Variants in FAM149A observed in about 807,000 individuals in gnomAD.
The protein encoded by FAM149A is family with sequence similarity 149 member A, also known as protein FAM149A.
A neutral mutation model predicts 78.2 loss-of-function variants in FAM149A; 71 were observed. The ratio of observed to expected loss-of-function variants is 0.91; its 90% CI spans 0.75 to 1.11. The LOEUF (loss-of-function observed/expected upper bound fraction) is 1.11. Among genes scored for constraint, FAM149A ranks in the 50% least tolerant of loss-of-function variants. The pLI is 0.00. For missense variants in FAM149A, 1,036 were observed against 971.0 expected (o/e 1.07, Z -0.89); for synonymous variants, 446 against 410.5 (o/e 1.09, Z -1.04).
chr4:186,134,250 T>C (rs1282482761), intron 1 of FAM149A, among the ~76,000 whole-genome samples: 1 of 152,228 alleles, frequency 6.6e-6, no homozygotes, highest in African/African-American at 2.4e-5. Flanking sequence ...CTGTTGAAGA[T>C]AGACACATCC....
intron 1 of FAM149A, among the ~76,000 whole-genome samples, chr4:186,148,488 G>T (rs1160483428): frequency 2.0e-5 from 3 of 152,152 alleles, no homozygotes; most frequent in African/African-American, 7.2e-5. Flanking sequence ...AAGATATTTT[G>T]ACTAGAGGAA....
intron 1 of FAM149A, chr4:186,107,328 A>G (rs1424568258): frequency 6.6e-6 from 1 of 152,258 alleles, no homozygotes; most frequent in Non-Finnish European, 1.5e-5. Context: ...TACTTTTTGA[A>G]TAACACTGCA....
chr4:186,130,597 G>A (rs918630677), intron 1 of FAM149A, among the ~76,000 whole-genome samples: 4 of 151,212 alleles, frequency 2.6e-5, no homozygotes, highest in African/African-American at 4.9e-5. Flanking sequence ...GGACTCAAGC[G>A]ATCCACCCAC....
At chr4:186,125,621 T>C in intron 1 of FAM149A, 1 of 797,772 alleles carries the variant, frequency 1.3e-6, no homozygotes, top group Non-Finnish European at 1.5e-6. Context: ...CACAGGCTTG[T>C]TGTCAGGTTT....
intron 1 of FAM149A, among the ~76,000 whole-genome samples, chr4:186,142,643 G>A (rs2099326317): frequency 6.6e-6 from 1 of 152,142 alleles, no homozygotes; most frequent in South Asian, 2.1e-4. Context: ...AAATTCCAAC[G>A]ACTTCACTGG....
At chr4:186,156,318 T>G in intron 7 of FAM149A, 128 bp downstream of exon 7, 2 of 668,900 alleles carry the variant, frequency 3.0e-6, no homozygotes, top group Non-Finnish European at 5.1e-6. Context: ...GTTCTGACTT[T>G]ACTCATGAGT....
intron 7 of FAM149A, among the ~76,000 whole-genome samples, chr4:186,156,962 CA>C (rs1241762556): frequency 6.6e-6 from 1 of 152,084 alleles, no homozygotes; most frequent in African/African-American, 2.4e-5. Flanking sequence ...ATCTCTCCCC[CA>C]AAAATAGCAG....
chr4:186,106,807 C>A (rs1183824088), intron 1 of FAM149A, among the ~76,000 whole-genome samples: 1 of 151,942 alleles, frequency 6.6e-6, no homozygotes, highest in Non-Finnish European at 1.5e-5. Flanking sequence ...ATTAGCCGGG[C>A]GTGGTGGTAC....
intron 1 of FAM149A, chr4:186,109,094 G>T (rs888396674): frequency 4.6e-6 from 3 of 652,338 alleles, no homozygotes; most frequent in African/African-American, 3.9e-5. Flanking sequence ...TAATTTGCCC[G>T]CCTCGGCCTC....
At chr4:186,153,808 G>C in intron 5 of FAM149A, 38 bp downstream of exon 5, 1 of 1,567,682 alleles carries the variant, frequency 6.4e-7, no homozygotes, top group Non-Finnish European at 8.7e-7. Flanking sequence ...AGTATTGTTA[G>C]CTGTATTTTA....
intron 1 of FAM149A, among the ~76,000 whole-genome samples, chr4:186,120,923 G>A (rs746064337): frequency 3.3e-5 from 4 of 119,622 alleles, no homozygotes; most frequent in Non-Finnish European, 3.2e-5. Flanking sequence ...GCGCTATCTC[G>A]GCTCGCTGCA....
At chr4:186,130,444 A>C (rs2099320326) in intron 1 of FAM149A, among the ~76,000 whole-genome samples, 3 of 151,584 alleles carry the variant, frequency 2.0e-5, no homozygotes, top group African/African-American at 4.8e-5. Context: ...GCATGATCTC[A>C]GCTCACTGCA....
intron 13 of FAM149A, 84 bp downstream of exon 13, chr4:186,167,346 T>C: frequency 2.4e-6 from 3 of 1,271,198 alleles, no homozygotes; most frequent in Non-Finnish European, 3.5e-6. Context: ...ATGATCTACC[T>C]TGATAAGCCT....
At chr4:186,167,373 G>C (rs777740147) in intron 13 of FAM149A, 111 bp downstream of exon 13, 1 of 1,062,082 alleles carries the variant, frequency 9.4e-7, no homozygotes, top group Non-Finnish European at 1.5e-6. Context: ...CTGTAGGAGG[G>C]AATAGCAAAT....
At chr4:186,149,134 T>C (rs1733276118) in intron 1 of FAM149A, 39 bp from the exon 2 acceptor site, 1 of 1,247,226 alleles carries the variant, frequency 8.0e-7, no homozygotes, top group African/African-American at 1.6e-5. Context: ...ACTATATTAT[T>C]ACATTAGGGA....
At chr4:186,159,022 G>T (rs916317438) in intron 8 of FAM149A, among the ~76,000 whole-genome samples, 1 of 152,008 alleles carries the variant, frequency 6.6e-6, no homozygotes, top group Non-Finnish European at 1.5e-5. Flanking sequence ...CTACATTTTG[G>T]GAGATTAAAA....
chr4:186,130,637 G>A (rs1246177081), intron 1 of FAM149A, among the ~76,000 whole-genome samples: 1 of 151,740 alleles, frequency 6.6e-6, no homozygotes, highest in Non-Finnish European at 1.5e-5. Flanking sequence ...GGGACTACAG[G>A]CATGAGCCAC....
At position 186,169,606 on chromosome 4, in the gene FAM149A, G is replaced by A. The variant is rs183696741; in HGVS notation, c.2219-2308G>A. 1.2e-3 allele frequency: 1,180 copies of A among 985,392 alleles called. 10 individuals carry two copies. The African/African-American group carries it at 0.019, about 16-fold the overall frequency. The allele number at this position is 985,392 out of a possible 1,614,324, so 61.0% of individuals were successfully genotyped here. On this transcript the variant is annotated intron_variant, in intron 13 of 13. Coordinates refer to ENST00000389354, the MANE Select transcript of FAM149A (RefSeq NM_001367768.3). Reference sequence around the variant, plus strand: ...GCCACCAGCTCAGGCAGCACACCACGATCTAATAGGACATTCAGGAATGAA... The same window carrying A: ...GCCACCAGCTCAGGCAGCACACCACAATCTAATAGGACATTCAGGAATGAA...
chr4:186,160,082 A>C (rs1734425256), intron 8 of FAM149A, among the ~76,000 whole-genome samples: 2 of 125,566 alleles, frequency 1.6e-5, no homozygotes, highest in South Asian at 5.4e-4. Flanking sequence ...CACACACCAA[A>C]CACATACCAC....
Sources: gnomAD v4.1 joint callset for allele counts (sites outside exome capture counted in the v4.1 genomes callset) on GRCh38, gnomAD v4.1.1 for gene constraint, MANE v1.5 for transcripts, NCBI Gene and HGNC (gene_info 2026-07-23, HGNC 2026-07-21) for gene names.